ZBTB38: variants seen among roughly 807,000 people sequenced by gnomAD.
The protein encoded by ZBTB38 is zinc finger and BTB domain-containing protein 38.
In ZBTB38, 20 loss-of-function variants were observed where a neutral mutation model predicts 76.8. The ratio of observed to expected loss-of-function variants is 0.26; its 90% confidence interval spans 0.18 to 0.38. The LOEUF is 0.38. Ranked by LOEUF, ZBTB38 falls within the 10% of genes least tolerant of loss-of-function variation. The pLI, the probability that ZBTB38 is intolerant of heterozygous loss-of-function variation, is 1.00. For missense variants in ZBTB38, 1,082 were observed against 1,482.3 expected, an observed-to-expected ratio of 0.73 and a Z score of 4.43; for synonymous variants, 504 against 544.2, an observed-to-expected ratio of 0.93 and a Z score of 1.03.
chr3:141,442,321 A>G lies in ZBTB38; in HGVS notation c.1-68A>G. 1 of 1,201,930 alleles carries G rather than the reference A, an allele frequency of 8.3e-7. No individual in the cohort carries two copies. Among genetic ancestry groups the G allele is most frequent in the Non-Finnish European group, 1.2e-6 (1 of 848,208 alleles). 74.5% of individuals were successfully genotyped at this position (1,201,930 alleles called of 1,614,324 possible). On this transcript the variant is annotated intron_variant, in intron 5 of 5. Coordinates refer to ENST00000321464, the MANE Select transcript of ZBTB38 (RefSeq NM_001376113.1). This position sits in a 1 kb window ranked among gnomAD's most constrained non-coding sequence, Gnocchi z 6.4. ...AAAGAACAGTTTTTCACAGAAGTGG[A>G]AAATAGTCTAGAGATAAAGAAGCCA...
chr3:141,328,692 C>A (rs533127612), intron 1 of ZBTB38, among the ~76,000 whole-genome samples: 1 of 152,290 alleles, frequency 6.6e-6, no homozygotes, highest in African/African-American at 2.4e-5. Flanking sequence ...ACAGCCCAAC[C>A]ACACCACTCC....
chr3:141,355,908 C>T (rs547953257), intron 1 of ZBTB38, among the ~76,000 whole-genome samples: 4 of 152,212 alleles, frequency 2.6e-5, no homozygotes, highest in Admixed American at 1.3e-4. Flanking sequence ...ATTTCTTTCC[C>T]CCTGAGGAAG....
Position 141,445,615 on chromosome 3 carries a change from C to T in ZBTB38, c.3227C>T (p.Thr1076Ile). The T allele has an allele frequency of 1.2e-6, 2 of 1,614,224 alleles. No homozygotes were observed. Among genetic ancestry groups the T allele is most frequent in the Non-Finnish European group, 1.7e-6 (2 of 1,180,046 alleles). Reference protein sequence around the residue: ...FVCQYCNKAFTLNETLKIHER... With the variant: ...FVCQYCNKAFILNETLKIHER... ...TGTCAGTATTGCAACAAGGCATTCA[C>T]CTTGAATGAGACCCTCAAAATCCAT... is the stretch of plus-strand genomic sequence containing the variant. Residue 1076 changes from threonine to isoleucine, a missense_variant, in exon 6 of 6, where the codon ACC becomes ATC. Physicochemically the swap from Thr to Ile is moderately conservative, Grantham distance 89. Transcript: ENST00000321464. The surrounding 1 kb of genome is among the most constrained non-coding windows in gnomAD (Gnocchi z 6.5).
chr3:141,343,043 C>A (rs1346514239), intron 1 of ZBTB38, among the ~76,000 whole-genome samples: 1 of 152,124 alleles, frequency 6.6e-6, no homozygotes, highest in Admixed American at 6.5e-5. Flanking sequence ...CTGAATATAT[C>A]ATCAGAAACA....
At chr3:141,329,555 G>T (rs756228035) in intron 1 of ZBTB38, among the ~76,000 whole-genome samples, 1 of 152,106 alleles carries the variant, frequency 6.6e-6, no homozygotes. Context: ...TAAGCACAAA[G>T]AATTATATTT....
chr3:141,403,908 A>C lies in ZBTB38; in HGVS notation c.-105-19A>C, dbSNP rs1351659745. On this transcript the variant is annotated intron_variant, in intron 4 of 5. Transcript: ENST00000321464. The stretch of plus-strand genomic sequence containing the variant: ...CTAGCAGCTAGTCATGGGACACTGC[A>C]CTTTTTTTTTCTTTTTAGATCTTGA... The C allele has an allele frequency of 6.6e-6, 1 of 152,212 alleles. No homozygotes were observed. The highest frequency in any genetic ancestry group is 1.5e-5 in the Non-Finnish European group (1 of 68,038). 9.4% of individuals were successfully genotyped at this position (152,212 alleles called of 1,614,324 possible).
intron 5 of ZBTB38, among the ~76,000 whole-genome samples, chr3:141,428,977 C>A (rs75220288): frequency 0.041 from 6,162 of 152,138 alleles, 288 homozygotes; most frequent in East Asian, 0.22. Context: ...AAACATATAT[C>A]TTTTTATAGT....
chr3:141,436,357 CTGAGA>C (rs1459225145), intron 5 of ZBTB38, among the ~76,000 whole-genome samples: 1 of 152,200 alleles, frequency 6.6e-6, no homozygotes, highest in Non-Finnish European at 1.5e-5. Flanking sequence ...GGCCACATTA[CTGAGA>C]GAAGCTGCCT....
rs781780394 is a variant in ZBTB38 at position 141,444,363 on chromosome 3, G to A, written c.1975G>A (p.Ala659Thr). 3.7e-6 allele frequency: 6 copies of A among 1,614,156 alleles called. No homozygotes were observed. The highest frequency in any genetic ancestry group is 1.7e-5 in the Admixed American group (1 of 60,022). Residue 659 changes from alanine to threonine, a missense_variant, in exon 6 of 6, where the codon GCA becomes ACA. By Grantham distance (58) the Ala-to-Thr change is moderately conservative. This residue lies in a region of ZBTB38 where 471 missense variants were observed against 581.0 expected (regional missense o/e 0.81). Transcript: ENST00000321464. This position sits in a 1 kb window ranked among gnomAD's most constrained non-coding sequence, Gnocchi z 5.1. ...NAEGTKWGEE[A>T]LKMDLDNNFY... ...AGAGGGTACCAAATGGGGAGAGGAGGCATTGAAAATGGATCTTGACAATAA... is the reference window on the plus strand; with the variant it reads ...AGAGGGTACCAAATGGGGAGAGGAGACATTGAAAATGGATCTTGACAATAA...
intron 2 of ZBTB38, among the ~76,000 whole-genome samples, chr3:141,370,312 A>C (rs1179442750): frequency 6.6e-6 from 1 of 152,176 alleles, no homozygotes; most frequent in Non-Finnish European, 1.5e-5. Flanking sequence ...AGCATGAAAA[A>C]GTGCACATGG....
rs150458709 is a variant in ZBTB38 at position 141,374,290 on chromosome 3, T to C, written c.-235+4344T>C. ...TAACTAGCCAAAGCATGTTTGATTG[T>C]AGGCCAGACTCCCCATGGAGAGGCT... On this transcript the variant is annotated intron_variant, in intron 2 of 5. Coordinates refer to ENST00000321464, the MANE Select transcript of ZBTB38 (RefSeq NM_001376113.1). 9.8e-4 allele frequency among the ~76,000 whole-genome samples: 149 copies of C among 152,320 alleles called. 1 individual carries two copies. The highest frequency in any genetic ancestry group is 3.4e-3 in the African/African-American group (143 of 41,570).
intron 1 of ZBTB38, among the ~76,000 whole-genome samples, chr3:141,338,463 C>A (rs1296819515): frequency 6.6e-6 from 1 of 152,112 alleles, no homozygotes; most frequent in African/African-American, 2.4e-5. Flanking sequence ...ACTATGCAGC[C>A]ATAAAAAGAA....
At chr3:141,401,402 A>C (rs942670743) in intron 4 of ZBTB38, among the ~76,000 whole-genome samples, 59 of 152,114 alleles carry the variant, frequency 3.9e-4, no homozygotes, top group Admixed American at 3.9e-3. Flanking sequence ...AAATAACATG[A>C]TTATTTAATT....
intron 5 of ZBTB38, among the ~76,000 whole-genome samples, chr3:141,412,448 A>AG (rs1957001590): frequency 6.6e-6 from 1 of 151,976 alleles, no homozygotes. Flanking sequence ...CAGAAACTCA[A>AG]GCTATTCTAC....
intron 5 of ZBTB38, among the ~76,000 whole-genome samples, chr3:141,422,840 G>T (rs1035628719): frequency 6.6e-6 from 1 of 151,952 alleles, no homozygotes; most frequent in Non-Finnish European, 1.5e-5. Context: ...ATATTGCATC[G>T]TGATGCATGT....
chr3:141,334,405 TTTCCTTCC>T (rs56692861), intron 1 of ZBTB38, among the ~76,000 whole-genome samples: 7,707 of 130,060 alleles, frequency 0.059, 598 homozygotes, highest in African/African-American at 0.17. Context: ...TCCTTCCTTC[TTTCCTTCC>T]TTCCTTCCTT....
intron 1 of ZBTB38, among the ~76,000 whole-genome samples, chr3:141,326,783 T>C (rs931005227): frequency 3.9e-5 from 6 of 152,220 alleles, no homozygotes; most frequent in Non-Finnish European, 8.8e-5. Flanking sequence ...CTCTGCATCA[T>C]TATTCTTTTC....
intron 1 of ZBTB38, among the ~76,000 whole-genome samples, chr3:141,332,599 G>T (rs1258554355): frequency 6.6e-6 from 1 of 152,152 alleles, no homozygotes; most frequent in African/African-American, 2.4e-5. Context: ...TGTAATGGGT[G>T]CTCCATGATA....
upstream of ZBTB38, among the ~76,000 whole-genome samples, chr3:141,363,725 T>C (rs989497236): frequency 2.0e-4 from 31 of 152,186 alleles, no homozygotes; most frequent in African/African-American, 7.5e-4. Context: ...TACAGAATTA[T>C]TGTAAGAATA....
Sources: allele counts gnomAD v4.1 joint callset (sites outside exome capture counted in the v4.1 genomes callset), GRCh38; gene constraint gnomAD v4.1.1; regional missense constraint gnomAD v4.1.1; non-coding constraint Gnocchi (gnomAD v3.1); transcripts MANE v1.5; gene names NCBI Gene and HGNC (gene_info 2026-07-23, HGNC 2026-07-21).